Variants in CDH7 observed in about 807,000 individuals in gnomAD.
CDH7 encodes the protein cadherin-7.
In CDH7, 25 loss-of-function variants were observed where a neutral mutation model predicts 71.8. The ratio of observed to expected loss-of-function variants is 0.35; its 90% confidence interval spans 0.25 to 0.49. The LOEUF is 0.49. Ranked by LOEUF, CDH7 falls within the 20% of genes least tolerant of loss-of-function variation. The probability of loss-of-function intolerance (pLI) is 0.99; values close to 1 mark genes in which losing one functional copy is unlikely to be tolerated. For missense variants in CDH7, 862 were observed against 974.6 expected (o/e 0.88, Z 1.54); for synonymous variants, 381 against 363.8 (o/e 1.05, Z -0.54).
intron 4 of CDH7, among the ~76,000 whole-genome samples, chr18:65,818,992 C>T (rs147439899): frequency 6.6e-6 from 1 of 152,042 alleles, no homozygotes; most frequent in Non-Finnish European, 1.5e-5. Context: ...CGGTCACAAC[C>T]TTGTTGACCA....
intron 2 of CDH7, among the ~76,000 whole-genome samples, chr18:65,782,918 A>G (rs574695872): frequency 8.9e-4 from 135 of 152,264 alleles, no homozygotes; most frequent in African/African-American, 3.0e-3. Context: ...TAAACAGCAA[A>G]ACCACAAACA....
intron 2 of CDH7, among the ~76,000 whole-genome samples, chr18:65,771,820 G>T (rs1260788910): frequency 6.7e-6 from 1 of 150,298 alleles, no homozygotes; most frequent in Non-Finnish European, 1.5e-5. Context: ...CGAAAAAAAA[G>T]AGAGAGCCAA....
intron 7 of CDH7, among the ~76,000 whole-genome samples, chr18:65,849,410 TTTTCTTTTCTTTTC>T (rs1269517948): frequency 4.6e-4 from 56 of 120,732 alleles, no homozygotes; most frequent in East Asian, 1.6e-3. Context: ...TTTTCTTTTC[TTTTCTTTTCTTTTC>T]TTTCTTTTCT....
intron 2 of CDH7, among the ~76,000 whole-genome samples, chr18:65,790,815 G>A (rs2143857030): frequency 6.6e-6 from 1 of 152,304 alleles, no homozygotes; most frequent in South Asian, 2.1e-4. Context: ...GTTGCAGTAA[G>A]CCGAGATTGC....
At chr18:65,859,562 G>T in intron 9 of CDH7, 146 bp from the exon 10 acceptor site, 1 of 586,578 alleles carries the variant, frequency 1.7e-6, no homozygotes, top group Non-Finnish European at 3.1e-6. Flanking sequence ...TTTAGATTGG[G>T]TTCATAATAA....
rs544268062 is a variant in CDH7, at chr18:65,885,613, G to T, written c.*4719G>T. 6.6e-6 allele frequency: 1 copy of T among 152,006 alleles called. No individual in the cohort carries two copies. The highest frequency in any genetic ancestry group is 2.0e-4 in the East Asian group (1 of 5,114). The allele number at this position is 152,006 out of a possible 1,614,324, so 9.4% of individuals were successfully genotyped here. ...GATCTCCTGACCTCGTGATTCGCCC[G>T]CCTCGGCCTCCCAAAGTGCTGGGAT... On this transcript the variant is annotated 3_prime_UTR_variant, in exon 12 of 12. Coordinates refer to ENST00000397968, the MANE Select transcript of CDH7 (RefSeq NM_004361.5).
chr18:65,766,922 A>AG (rs1916391077), intron 2 of CDH7, among the ~76,000 whole-genome samples: 1 of 136,896 alleles, frequency 7.3e-6, no homozygotes, highest in Non-Finnish European at 1.6e-5. Flanking sequence ...AAAAAAAAAA[A>AG]GTCTACAAAA....
intron 2 of CDH7, among the ~76,000 whole-genome samples, chr18:65,790,741 C>T (rs946502902): frequency 3.9e-5 from 6 of 152,210 alleles, no homozygotes; most frequent in East Asian, 1.9e-4. Flanking sequence ...TGGTGTTGCA[C>T]GCCTGTAATC....
chr18:65,759,278 G>T (rs1916118167), intron 1 of CDH7, among the ~76,000 whole-genome samples: 1 of 142,532 alleles, frequency 7.0e-6, no homozygotes, highest in Non-Finnish European at 1.5e-5. Flanking sequence ...ACAGAATCTC[G>T]CTGTCACCCA....
At chr18:65,802,850 T>C (rs368597038) in intron 2 of CDH7, among the ~76,000 whole-genome samples, 4 of 152,262 alleles carry the variant, frequency 2.6e-5, no homozygotes, top group East Asian at 3.9e-4. Flanking sequence ...GAATGCTTCT[T>C]TGAGTTGCTG....
chr18:65,859,360 G>A (rs114572526), intron 9 of CDH7, among the ~76,000 whole-genome samples: 1,533 of 152,198 alleles, frequency 0.01, 25 homozygotes, highest in African/African-American at 0.035. Flanking sequence ...TTACCCAACC[G>A]GGTTTAAGTG....
intron 2 of CDH7, among the ~76,000 whole-genome samples, chr18:65,781,900 CTATCTT>C (rs1330607059): frequency 1.8e-5 from 1 of 55,772 alleles, no homozygotes; most frequent in African/African-American, 1.2e-4. Flanking sequence ...CTCTTTCTCT[CTATCTT>C]TCTCTCTTTC....
At chr18:65,851,907 A>G (rs55682365) in intron 7 of CDH7, among the ~76,000 whole-genome samples, 37,328 of 152,090 alleles carry the variant, frequency 0.25, 5,008 homozygotes, top group Non-Finnish European at 0.31. Context: ...AGATCCACGG[A>G]TCACACACCA....
intron 6 of CDH7, among the ~76,000 whole-genome samples, chr18:65,835,103 C>CT (rs1486292636): frequency 2.0e-5 from 3 of 152,140 alleles, no homozygotes. Flanking sequence ...AACAAGGGGC[C>CT]TGGACCTCTG....
rs115274305 is a variant in CDH7, at chr18:65,783,866, G to A, written c.210+20814G>A. On this transcript the variant is annotated intron_variant, in intron 2 of 11. Coordinates refer to ENST00000397968, the MANE Select transcript of CDH7 (RefSeq NM_004361.5). ...AACAAAATCAAATTTAAAAAAGAGT[G>A]TAATAGATGCTGATAAATACTGTAG... 3.7e-3 allele frequency among the ~76,000 whole-genome samples: 558 copies of A among 152,186 alleles called. 5 individuals carry two copies. Among genetic ancestry groups the A allele is most frequent in the African/African-American group, 0.013 (541 of 41,530 alleles).
chr18:65,790,662 AG>A (rs1910681486), intron 2 of CDH7, among the ~76,000 whole-genome samples: 1 of 152,204 alleles, frequency 6.6e-6, no homozygotes, highest in African/African-American at 2.4e-5. Flanking sequence ...TGAGGTCAGG[AG>A]TCCAAGACCA....
intron 4 of CDH7, 135 bp from the exon 5 acceptor site, chr18:65,821,939 TAATACAC>T (rs1911944928): frequency 1.7e-5 from 11 of 641,078 alleles, no homozygotes; most frequent in Non-Finnish European, 3.0e-5. Context: ...CTTTGGTCTT[TAATACAC>T]AGTAAAATTA....
chr18:65,883,232 A>AAAAAAATTAATTT lies in CDH7; in HGVS notation c.*2352_*2364dup, dbSNP rs1189388124. The AAAAAAATTAATTT allele has an allele frequency of 6.6e-6, 1 of 151,988 alleles. No homozygotes were observed. Among genetic ancestry groups the AAAAAAATTAATTT allele is most frequent in the Non-Finnish European group, 1.5e-5 (1 of 67,944 alleles). The allele number at this position is 151,988 out of a possible 1,614,324, so 9.4% of individuals were successfully genotyped here. A position where few individuals can be genotyped will look rare whatever the true frequency, so the allele number is the denominator to read the frequency against. ...TTTCATTCAGTGGTATTTTTTAATTAAAAAAATTAATTTAAAAAATTAATT... is the reference window on the plus strand; with the variant it reads ...TTTCATTCAGTGGTATTTTTTAATTAAAAAAATTAATTTAAAAAATTAATTTAAAAAATTAATT... On this transcript the variant is annotated 3_prime_UTR_variant, in exon 12 of 12. Coordinates refer to ENST00000397968, the MANE Select transcript of CDH7 (RefSeq NM_004361.5).
At position 65,824,705 on chromosome 18, in the gene CDH7, A is replaced by C; in HGVS notation, c.855A>C (p.Lys285Asn). The C allele has an allele frequency of 1.2e-6, 2 of 1,612,518 alleles. No homozygotes were observed. Among genetic ancestry groups the C allele is most frequent in the Non-Finnish European group, 1.7e-6 (2 of 1,178,828 alleles). Residue 285 changes from lysine (K) to asparagine (N), a missense_variant, in exon 6 of 12, where the codon AAA (lysine) becomes AAC (asparagine). Physicochemically the swap from Lys to Asn is moderately conservative, Grantham distance 94 (BLOSUM62 0). Coordinates refer to ENST00000397968, the MANE Select transcript of CDH7 (RefSeq NM_004361.5). ...LPVASVVARI[K>N]AADADIGANA... ...TAGCCTCAGTTGTGGCCAGAATTAA[A>C]GCTGCTGATGCAGATATTGGAGCTA...
Sources: allele counts gnomAD v4.1 joint callset (sites outside exome capture counted in the v4.1 genomes callset), GRCh38; gene constraint gnomAD v4.1.1; transcripts MANE v1.5; gene names NCBI Gene and HGNC (gene_info 2026-07-23, HGNC 2026-07-21).